NCAM1: variants seen among roughly 807,000 people sequenced by gnomAD.
NCAM1 encodes antigen recognized by monoclonal antibody 5.1H11.
Under a neutral mutation model 109.8 loss-of-function variants are expected in NCAM1, and 14 were observed. The observed-to-expected ratio is 0.13, with a 90% CI of 0.08 to 0.20. The LOEUF is 0.20. Ranked by LOEUF, NCAM1 falls within the 10% of genes least tolerant of loss-of-function variation. The probability of loss-of-function intolerance (pLI) is 1.00; values close to 1 mark genes in which losing one functional copy is unlikely to be tolerated. For missense variants in NCAM1, 774 were observed against 1,109.9 expected, an observed-to-expected ratio of 0.70 and a Z score of 4.30; for synonymous variants, 418 against 442.9, an observed-to-expected ratio of 0.94 and a Z score of 0.70.
intron 1 of NCAM1, among the ~76,000 whole-genome samples, chr11:113,125,492 A>G (rs1941137290): frequency 6.6e-6 from 1 of 152,236 alleles, no homozygotes; most frequent in East Asian, 1.9e-4. Flanking sequence ...TGATTATATC[A>G]AAACTGCAGC....
At chr11:113,066,267 A>C (rs191152329) in intron 1 of NCAM1, among the ~76,000 whole-genome samples, 1 of 152,232 alleles carries the variant, frequency 6.6e-6, no homozygotes, top group Non-Finnish European at 1.5e-5. Context: ...TTAATCTCGT[A>C]AATGTCCACA....
At chr11:113,222,903 A>G (rs1944728290) in intron 9 of NCAM1, among the ~76,000 whole-genome samples, 1 of 152,168 alleles carries the variant, frequency 6.6e-6, no homozygotes, top group Admixed American at 6.5e-5. Flanking sequence ...AGGGCTCAGA[A>G]GTTCCATTCT....
chr11:113,213,568 C>T (rs879947320), intron 7 of NCAM1, among the ~76,000 whole-genome samples: 5 of 152,174 alleles, frequency 3.3e-5, no homozygotes, highest in Admixed American at 6.5e-5. Context: ...GTCGTTGAGA[C>T]TCCAAGTCAC....
intron 1 of NCAM1, among the ~76,000 whole-genome samples, chr11:113,182,777 C>A (rs1943373471): frequency 6.6e-6 from 1 of 152,168 alleles, no homozygotes; most frequent in Non-Finnish European, 1.5e-5. Context: ...GGGAGCGGGG[C>A]TGCAAGAGGT....
chr11:113,096,767 A>G (rs191930509), intron 1 of NCAM1, among the ~76,000 whole-genome samples: 1 of 152,028 alleles, frequency 6.6e-6, no homozygotes, highest in East Asian at 1.9e-4. Flanking sequence ...CCACGACTAC[A>G]TCTTACTTTT....
chr11:113,257,817 G>A (rs1345382049), intron 16 of NCAM1, among the ~76,000 whole-genome samples: 8 of 152,320 alleles, frequency 5.3e-5, no homozygotes, highest in African/African-American at 1.9e-4. Flanking sequence ...GAAATGAAGA[G>A]GAAAGATACC....
At chr11:113,009,162 T>G (rs1358303150) in intron 1 of NCAM1, among the ~76,000 whole-genome samples, 3 of 152,068 alleles carry the variant, frequency 2.0e-5, no homozygotes, top group Non-Finnish European at 4.4e-5. Flanking sequence ...GTTTTTTTCT[T>G]TTTCAAATAG....
intron 1 of NCAM1, among the ~76,000 whole-genome samples, chr11:113,188,812 GGTGT>G (rs146449858): frequency 6.6e-6 from 1 of 150,736 alleles, no homozygotes; most frequent in Non-Finnish European, 1.5e-5. Flanking sequence ...TGAGGAAGGT[GGTGT>G]GTGTGTGTGT....
intron 1 of NCAM1, among the ~76,000 whole-genome samples, chr11:113,065,557 C>T (rs1555084080): frequency 6.6e-6 from 1 of 152,188 alleles, no homozygotes; most frequent in Non-Finnish European, 1.5e-5. Context: ...TGGCACTTTA[C>T]ATGTGTGCTC....
intron 1 of NCAM1, among the ~76,000 whole-genome samples, chr11:113,001,214 C>T (rs1055129530): frequency 6.6e-6 from 1 of 152,084 alleles, no homozygotes; most frequent in Non-Finnish European, 1.5e-5. Context: ...GATAGTATGT[C>T]CCCCACACAG....
At chr11:113,031,628 G>A (rs989805488) in intron 1 of NCAM1, among the ~76,000 whole-genome samples, 1 of 151,922 alleles carries the variant, frequency 6.6e-6, no homozygotes, top group South Asian at 2.1e-4. Flanking sequence ...GGAGGTGGAG[G>A]TTGCAGTGAG....
At chr11:113,121,925 T>C (rs1940979687) in intron 1 of NCAM1, among the ~76,000 whole-genome samples, 2 of 152,228 alleles carry the variant, frequency 1.3e-5, no homozygotes, top group Admixed American at 6.5e-5. Context: ...CTGGTCCACA[T>C]CACAGCTGTG....
chr11:113,231,253 G>A, intron 9 of NCAM1: 1 of 1,536,130 alleles, frequency 6.5e-7, no homozygotes, highest in Non-Finnish European at 8.7e-7. Flanking sequence ...TGGCAGTGCA[G>A]GTTTCCCAGG....
intron 1 of NCAM1, among the ~76,000 whole-genome samples, chr11:113,150,227 TATTA>T (rs200074467): frequency 0.036 from 5,475 of 152,326 alleles, 148 homozygotes; most frequent in Non-Finnish European, 0.057. Context: ...TTGTAAAGAA[TATTA>T]ATTAATATAT....
intron 1 of NCAM1, among the ~76,000 whole-genome samples, chr11:113,039,970 A>T (rs546955488): frequency 6.6e-6 from 1 of 151,948 alleles, no homozygotes; most frequent in Admixed American, 6.6e-5. Context: ...GCGAAACCCC[A>T]TCTCTACTAA....
intron 1 of NCAM1, among the ~76,000 whole-genome samples, chr11:112,993,807 A>G (rs1892979): frequency 0.11 from 17,210 of 152,222 alleles, 1,131 homozygotes; most frequent in East Asian, 0.32. Flanking sequence ...TCCTATGAAG[A>G]ATTATTACAG....
At chr11:113,189,091 G>A (rs1456517991) in intron 1 of NCAM1, among the ~76,000 whole-genome samples, 1 of 152,126 alleles carries the variant, frequency 6.6e-6, no homozygotes, top group African/African-American at 2.4e-5. Context: ...CAGGAATAAG[G>A]AAGCTTAGTT....
At chr11:113,141,799 C>T (rs557092553) in intron 1 of NCAM1, among the ~76,000 whole-genome samples, 1 of 152,178 alleles carries the variant, frequency 6.6e-6, no homozygotes, top group Non-Finnish European at 1.5e-5. Context: ...GATCTCTCCT[C>T]TCGTATATCA....
At chr11:113,250,880 C>T (rs1289008721) in intron 15 of NCAM1, among the ~76,000 whole-genome samples, 1 of 152,238 alleles carries the variant, frequency 6.6e-6, no homozygotes, top group Non-Finnish European at 1.5e-5. Context: ...TCACTGCAAC[C>T]TCCACCTCCC....
Sources: gnomAD v4.1 joint callset for allele counts (sites outside exome capture counted in the v4.1 genomes callset) on GRCh38, gnomAD v4.1.1 for gene constraint, MANE v1.5 for transcripts, NCBI Gene and HGNC (gene_info 2026-07-23, HGNC 2026-07-21) for gene names.